SAMSN1: variants seen among roughly 807,000 people sequenced by gnomAD.
SAMSN1 encodes the protein SAM domain, SH3 domain and nuclear localization signals 1.
SAMSN1 carries 31 observed loss-of-function variants against 42.0 expected under a neutral mutation model. The ratio of observed to expected loss-of-function variants is 0.74; its 90% CI spans 0.55 to 1.00. The LOEUF (loss-of-function observed/expected upper bound fraction) is 1.00. SAMSN1 is among the 50% of genes least tolerant of loss of function. The pLI, the probability that SAMSN1 is intolerant of heterozygous loss-of-function variation, is 0.00. For synonymous variants in SAMSN1, 178 were observed against 151.9 expected (o/e 1.17, Z -1.26); for missense variants, 464 against 439.4 (o/e 1.06, Z -0.50).
intron 5 of SAMSN1, among the ~76,000 whole-genome samples, chr21:14,507,257 T>G (rs1467320260): frequency 6.6e-6 from 1 of 152,228 alleles, no homozygotes; most frequent in East Asian, 1.9e-4. Flanking sequence ...AAACTGTCAC[T>G]GTTTTCTGAT....
intron 6 of SAMSN1, among the ~76,000 whole-genome samples, chr21:14,599,240 G>T (rs558973808): frequency 2.0e-5 from 3 of 152,106 alleles, no homozygotes; most frequent in Admixed American, 6.6e-5. Context: ...TGTCAAGGGC[G>T]GGATCAGATG....
rs866324499 is a variant in SAMSN1, at chr21:14,544,955, T to C, written c.57+1250A>G. ...TAATCAAGTAAATATCATATAAAAT[T>C]AATCTTAAATGGAAGCACAAGCCAT... On this transcript the variant is annotated intron_variant, in intron 1 of 7. Transcript: ENST00000400566. Among the ~76,000 whole-genome samples, 6 of 152,254 alleles carry C rather than the reference T, an allele frequency of 3.9e-5. 1 individual carries two copies. In the Middle Eastern group the frequency reaches 0.021, roughly 529 times the overall value.
intron 2 of SAMSN1, among the ~76,000 whole-genome samples, chr21:14,628,397 C>T (rs1983237597): frequency 6.6e-6 from 1 of 151,688 alleles, no homozygotes; most frequent in Non-Finnish European, 1.5e-5. Flanking sequence ...CAAATATGTA[C>T]AATTATTGTG....
chr21:14,605,284 T>A (rs1189692418), intron 5 of SAMSN1, among the ~76,000 whole-genome samples: 3 of 152,238 alleles, frequency 2.0e-5, no homozygotes, highest in African/African-American at 7.2e-5. Context: ...GGTCTCATCG[T>A]TGAATTCAGA....
At chr21:14,567,136 AC>A (rs1776048321) in intron 2 of SAMSN1, among the ~76,000 whole-genome samples, 1 of 152,134 alleles carries the variant, frequency 6.6e-6, no homozygotes, top group South Asian at 2.1e-4. Flanking sequence ...GGCTCCTAGA[AC>A]CACAAGAAAG....
Position 14,598,055 on chromosome 21 carries a change from C to T in SAMSN1, c.399+3968G>A, listed in dbSNP as rs528820601. 6 of 152,040 alleles carry T rather than the reference C, an allele frequency of 3.9e-5. No homozygotes were observed. The South Asian group carries it at 1.2e-3, about 32-fold the overall frequency. The allele number at this position is 152,040 out of a possible 1,614,324, so 9.4% of individuals were successfully genotyped here. On this transcript the variant is annotated intron_variant, in intron 6 of 15. Coordinates refer to the SAMSN1 transcript ENST00000647101. ...ATTGCAATCTCCATAGTGAAAGACA[C>T]GAAGAAAGAAATTGATTGAAATGGG...
At chr21:14,500,993 G>C (rs772786450) in intron 5 of SAMSN1, among the ~76,000 whole-genome samples, 3 of 152,146 alleles carry the variant, frequency 2.0e-5, no homozygotes, top group Non-Finnish European at 4.4e-5. Flanking sequence ...GGGTGACAAA[G>C]TGAGATCCCA....
chr21:14,545,706 C>T (rs1217467079), intron 1 of SAMSN1, among the ~76,000 whole-genome samples: 1 of 152,054 alleles, frequency 6.6e-6, no homozygotes, highest in Non-Finnish European at 1.5e-5. Flanking sequence ...AAATATACAT[C>T]TTTACAACGA....
upstream of SAMSN1, among the ~76,000 whole-genome samples, chr21:14,659,369 T>G (rs1387438476): frequency 2.6e-5 from 4 of 151,984 alleles, no homozygotes; most frequent in African/African-American, 9.7e-5. Context: ...GTTGGGCAAC[T>G]GTCACCACCA....
At chr21:14,575,225 G>T (rs1440176654) in intron 2 of SAMSN1, among the ~76,000 whole-genome samples, 1 of 152,134 alleles carries the variant, frequency 6.6e-6, no homozygotes, top group African/African-American at 2.4e-5. Context: ...GGTAAATGCT[G>T]ATTCTCCTAG....
At chr21:14,586,262 C>CAAAAAAAAAAAAA (rs67482796), upstream of SAMSN1, among the ~76,000 whole-genome samples, 5 of 50,600 alleles carry the variant, frequency 9.9e-5, no homozygotes, top group East Asian at 4.9e-4. Context: ...GACTCCATCT[C>CAAAAAAAAAAAAA]AAAAAAAAAA....
intron 2 of SAMSN1, among the ~76,000 whole-genome samples, chr21:14,520,745 C>A (rs563376021): frequency 6.6e-6 from 1 of 152,126 alleles, no homozygotes; most frequent in South Asian, 2.1e-4. Context: ...GGGAAGGGGA[C>A]GGAGCTATGG....
At chr21:14,546,515 C>A (rs964929477), upstream of SAMSN1, among the ~76,000 whole-genome samples, 3 of 151,864 alleles carry the variant, frequency 2.0e-5, no homozygotes, top group East Asian at 1.9e-4. Flanking sequence ...TTTAGACATG[C>A]CTGCAGTTAT....
chr21:14,620,765 T>G (rs1262624763), intron 2 of SAMSN1, among the ~76,000 whole-genome samples: 1 of 152,208 alleles, frequency 6.6e-6, no homozygotes, highest in Non-Finnish European at 1.5e-5. Context: ...ACACTGGAGA[T>G]ACATATAGAT....
chr21:14,656,519 C>T lies in SAMSN1; in HGVS notation c.24+2229G>A, dbSNP rs79979886. Among the ~76,000 whole-genome samples the T allele has an allele frequency of 7.3e-3, 1,101 of 151,826 alleles. 14 individuals are homozygous for T. Among genetic ancestry groups the T allele is most frequent in the African/African-American group, 0.025 (1,052 of 41,478 alleles). The stretch of plus-strand genomic sequence containing the variant: ...ATGATGAGCTCAACAAGAAAAATCA[C>T]TGTGCCTCAAATGAGCAAGTTTTCT... On this transcript the variant is annotated intron_variant, in intron 1 of 15. Transcript: ENST00000647101.
intron 5 of SAMSN1, among the ~76,000 whole-genome samples, chr21:14,502,165 CA>C (rs1987189871): frequency 6.6e-6 from 1 of 152,134 alleles, no homozygotes; most frequent in African/African-American, 2.4e-5. Context: ...ATCTAAAAAA[CA>C]AATTTTACTT....
intron 2 of SAMSN1, among the ~76,000 whole-genome samples, chr21:14,622,552 TGAGAA>T (rs1317543829): frequency 6.6e-6 from 1 of 152,022 alleles, no homozygotes; most frequent in Non-Finnish European, 1.5e-5. Context: ...TGAAATGAAA[TGAGAA>T]GAGAAGTTTA....
chr21:14,531,004 T>G (rs1213366829), intron 1 of SAMSN1, among the ~76,000 whole-genome samples: 1 of 152,072 alleles, frequency 6.6e-6, no homozygotes, highest in Non-Finnish European at 1.5e-5. Flanking sequence ...TTAAATAATA[T>G]TTTAACTAGT....
chr21:14,625,057 G>T (rs1481262867), intron 2 of SAMSN1, among the ~76,000 whole-genome samples: 9 of 152,018 alleles, frequency 5.9e-5, no homozygotes. Flanking sequence ...TGCAGAAAAG[G>T]CCTTTGACAA....
Sources: gnomAD v4.1 joint callset for allele counts (sites outside exome capture counted in the v4.1 genomes callset) on GRCh38, gnomAD v4.1.1 for gene constraint, MANE v1.5 for transcripts, NCBI Gene and HGNC (gene_info 2026-07-23, HGNC 2026-07-21) for gene names.